KIF26B: variants seen among roughly 807,000 people sequenced by gnomAD.
KIF26B encodes kinesin-like protein KIF26B.
KIF26B carries 63 observed loss-of-function variants against 151.2 expected under a neutral mutation model. The observed-to-expected ratio is 0.42, with a 90% CI of 0.34 to 0.51. The LOEUF (loss-of-function observed/expected upper bound fraction) is 0.51, where lower values mean the gene tolerates loss of function less well. KIF26B is among the 20% of genes least tolerant of loss of function. The pLI is 0.07. For synonymous variants in KIF26B, 1,357 were observed against 1,262.1 expected (o/e 1.08, Z -1.59); for missense variants, 2,813 against 2,913.6 (o/e 0.97, Z 0.79).
intron 10 of KIF26B, among the ~76,000 whole-genome samples, chr1:245,682,773 C>A (rs1024791159): frequency 2.3e-4 from 35 of 152,206 alleles, no homozygotes; most frequent in Admixed American, 4.6e-4. Context: ...AAGACAGAGC[C>A]CAAGACGCAT....
At chr1:245,553,642 C>A (rs1169830624) in intron 5 of KIF26B, among the ~76,000 whole-genome samples, 2 of 151,706 alleles carry the variant, frequency 1.3e-5, no homozygotes, top group Non-Finnish European at 2.9e-5. Context: ...TTGAAAAGAC[C>A]AAAAGAAACA....
intron 2 of KIF26B, among the ~76,000 whole-genome samples, chr1:245,229,559 C>T (rs1669948689): frequency 6.6e-6 from 1 of 152,150 alleles, no homozygotes; most frequent in African/African-American, 2.4e-5. Context: ...GTGCCCGGTA[C>T]CTTTTGTCTT....
chr1:245,519,274 C>A (rs774889090), intron 4 of KIF26B, among the ~76,000 whole-genome samples: 2 of 152,114 alleles, frequency 1.3e-5, no homozygotes, highest in South Asian at 4.2e-4. Flanking sequence ...TACAGTGAGG[C>A]CAGGCACAGT....
intron 2 of KIF26B, among the ~76,000 whole-genome samples, chr1:245,194,149 A>G (rs943286803): frequency 1.3e-5 from 2 of 152,232 alleles, no homozygotes; most frequent in African/African-American, 4.8e-5. Flanking sequence ...ATATAAGGCC[A>G]TTATCTCGTC....
intron 2 of KIF26B, among the ~76,000 whole-genome samples, chr1:245,323,537 AC>A (rs1671926393): frequency 2.0e-5 from 3 of 152,210 alleles, no homozygotes; most frequent in African/African-American, 7.2e-5. Flanking sequence ...TGATGGCAAG[AC>A]CGAGCAGCAT....
chr1:245,209,424 AT>A (rs1669468849), intron 2 of KIF26B, among the ~76,000 whole-genome samples: 1 of 152,122 alleles, frequency 6.6e-6, no homozygotes, highest in African/African-American at 2.4e-5. Context: ...AAGAAAAAAA[AT>A]AAAAAAAGAA....
At chr1:245,304,946 G>T (rs560575435) in intron 2 of KIF26B, among the ~76,000 whole-genome samples, 2 of 152,160 alleles carry the variant, frequency 1.3e-5, no homozygotes, top group Non-Finnish European at 2.9e-5. Context: ...AGCTTGCCCA[G>T]GCCCAGAGGT....
intron 2 of KIF26B, among the ~76,000 whole-genome samples, chr1:245,265,384 T>C (rs2102960072): frequency 6.6e-6 from 1 of 152,032 alleles, no homozygotes; most frequent in East Asian, 1.9e-4. Flanking sequence ...TGTGGACAAG[T>C]GGGAGAAGGA....
intron 4 of KIF26B, among the ~76,000 whole-genome samples, chr1:245,503,195 T>C (rs918459918): frequency 6.6e-6 from 1 of 152,204 alleles, no homozygotes; most frequent in Non-Finnish European, 1.5e-5. Flanking sequence ...TAAAATTTCC[T>C]GATTTGTCTT....
At position 245,363,842 on chromosome 1, in the gene KIF26B, G is replaced by A. The variant is rs556023626; in HGVS notation, c.466-2992G>A. On this transcript the variant is annotated intron_variant, in intron 2 of 14. Transcript: ENST00000407071. ...GGCTGTCTGTGGCGGTCGTATTGAT[G>A]TTGGGCCCAGCTGTGCTGAATGGCT... is the stretch of plus-strand genomic sequence containing the variant. 1.0e-3 allele frequency among the ~76,000 whole-genome samples: 153 copies of A among 152,328 alleles called. 2 individuals carry two copies. Among genetic ancestry groups the A allele is most frequent in the Non-Finnish European group, 8.8e-4 (60 of 68,040 alleles).
intron 9 of KIF26B, among the ~76,000 whole-genome samples, chr1:245,628,783 T>C (rs769408071): frequency 9.2e-5 from 14 of 152,148 alleles, no homozygotes; most frequent in Non-Finnish European, 1.5e-4. Flanking sequence ...ATAAAGCATA[T>C]TCAAATAGGA....
In KIF26B at chr1:245,563,781, C is replaced by T. The variant is rs151073821; in HGVS notation, c.1350+22831C>T. 1.1e-4 allele frequency among the ~76,000 whole-genome samples: 17 copies of T among 150,556 alleles called. No individual in the cohort carries two copies. Among genetic ancestry groups the T allele is most frequent in the Admixed American group, 5.4e-4 (8 of 14,936 alleles). On this transcript the variant is annotated intron_variant, in intron 5 of 14. Transcript: ENST00000407071. This position sits in a 1 kb window ranked among gnomAD's most constrained non-coding sequence, Gnocchi z 4.6. The stretch of plus-strand genomic sequence containing the variant: ...AGAATATGTAACGCAATTACCGCTG[C>T]GTTACCAGCAATCCCAAGAGGACCC...
At chr1:245,542,808 T>C (rs1268495568) in intron 5 of KIF26B, among the ~76,000 whole-genome samples, 2 of 152,212 alleles carry the variant, frequency 1.3e-5, no homozygotes, top group Non-Finnish European at 2.9e-5. Context: ...GTACATGGGC[T>C]CTTGTTTTGC....
chr1:245,402,086 C>T (rs1674016133), intron 3 of KIF26B, among the ~76,000 whole-genome samples: 1 of 152,186 alleles, frequency 6.6e-6, no homozygotes. Flanking sequence ...TAGGGTGAGG[C>T]TGGGCTGGCC....
At chr1:245,323,540 G>A (rs751685716) in intron 2 of KIF26B, among the ~76,000 whole-genome samples, 1 of 152,184 alleles carries the variant, frequency 6.6e-6, no homozygotes, top group East Asian at 1.9e-4. Flanking sequence ...TGGCAAGACC[G>A]AGCAGCATCT....
intron 10 of KIF26B, among the ~76,000 whole-genome samples, chr1:245,668,497 G>A (rs1353201382): frequency 1.3e-5 from 2 of 152,082 alleles, no homozygotes; most frequent in Non-Finnish European, 2.9e-5. Context: ...GTTACTTAAT[G>A]TATGAGTTGT....
intron 2 of KIF26B, among the ~76,000 whole-genome samples, chr1:245,187,275 G>A (rs1017914230): frequency 3.9e-5 from 6 of 152,204 alleles, no homozygotes; most frequent in African/African-American, 9.7e-5. Context: ...CAAATACTGC[G>A]TGTTCTCACT....
In KIF26B at chr1:245,662,756, T is replaced by C. The variant is rs1391161772; in HGVS notation, c.2258+16476T>C. Among the ~76,000 whole-genome samples the C allele has an allele frequency of 1.1e-3, 18 of 16,830 alleles. No individual in the cohort carries two copies. The East Asian group carries it at 0.014, about 13-fold the overall frequency. 11.0% of individuals were successfully genotyped at this position (16,830 alleles called of 152,430 possible). On this transcript the variant is annotated intron_variant, in intron 10 of 14. Coordinates refer to ENST00000407071, the MANE Select transcript of KIF26B (RefSeq NM_018012.4). The stretch of plus-strand genomic sequence containing the variant: ...ATATGCATATATACCCAATGATATA[T>C]ATACACACACACACACACATGCATG...
At chr1:245,403,397 G>C (rs1402607830) in intron 3 of KIF26B, among the ~76,000 whole-genome samples, 1 of 152,210 alleles carries the variant, frequency 6.6e-6, no homozygotes. Context: ...TATTTCCTCA[G>C]TGGGCATGTT....
Sources: gnomAD v4.1 joint callset for allele counts (sites outside exome capture counted in the v4.1 genomes callset) on GRCh38, gnomAD v4.1.1 for gene constraint, Gnocchi (gnomAD v3.1) non-coding constraint, MANE v1.5 for transcripts, NCBI Gene and HGNC (gene_info 2026-07-23, HGNC 2026-07-21) for gene names.